CSPG5: variants seen among roughly 807,000 people sequenced by gnomAD.
CSPG5 encodes the protein chondroitin sulfate proteoglycan 5, also known as acidic leucine-rich EGF-like domain-containing brain protein.
In CSPG5, 25 loss-of-function variants were observed where a neutral mutation model predicts 39.8. That is an observed-to-expected ratio of 0.63 (90% CI 0.46 to 0.88). The LOEUF (loss-of-function observed/expected upper bound fraction) is 0.88. CSPG5 is among the 40% of genes least tolerant of loss of function. CSPG5 has a pLI of 0.00. For missense variants in CSPG5, 627 were observed against 702.2 expected, an observed-to-expected ratio of 0.89 and a Z score of 1.21; for synonymous variants, 295 against 303.9, an observed-to-expected ratio of 0.97 and a Z score of 0.31.
chr3:47,576,793 C>T (rs917208576), intron 2 of CSPG5, 40 bp downstream of exon 2: 4 of 1,522,032 alleles, frequency 2.6e-6, no homozygotes, highest in Non-Finnish European at 3.5e-6. Flanking sequence ...CTCACATACA[C>T]TCTTCAGTGT....
In CSPG5 at chr3:47,569,151, C is replaced by A. The variant is rs190137660; in HGVS notation, c.1458+1G>T. 2.4e-5 allele frequency: 38 copies of A among 1,609,650 alleles called. No individual in the cohort carries two copies. In the East Asian group the frequency reaches 6.5e-4, roughly 28 times the overall value. ...CGGGGAGTGTTGCAAAGTTTCCTTA[C>A]ATTTGGGTGAGAGCCCTCGGCAATG... On this transcript the variant is annotated splice_donor_variant, in intron 4 of 4. Coordinates refer to ENST00000264723, the MANE Select transcript of CSPG5 (RefSeq NM_006574.4). LOFTEE classifies it high-confidence loss of function.
rs1490094853 is a variant in CSPG5, at chr3:47,577,447, G to A, written c.579C>T (p.Tyr193=). The A allele has an allele frequency of 6.2e-7, 1 of 1,614,078 alleles. No individual in the cohort carries two copies. The highest frequency in any genetic ancestry group is 8.5e-7 in the Non-Finnish European group (1 of 1,180,006). The change falls in exon 2 of 5, where the codon TAC becomes TAT. Residue 193 remains tyrosine, a synonymous_variant. Coordinates refer to ENST00000264723, the MANE Select transcript of CSPG5 (RefSeq NM_006574.4). This position sits in a 1 kb window ranked among gnomAD's most constrained non-coding sequence, Gnocchi z 4.7. ...GGGGCTCCAGGGTGCCCTGAAATGG[G>A]TAAGTCAGCTCTGGCCCTTGAGGGT... The part of the protein sequence containing the change: ...TPDPQGPELT[Y]PFQGTLEPQP...
chr3:47,567,681 T>C (rs555690993), intron 4 of CSPG5, among the ~76,000 whole-genome samples: 4 of 152,282 alleles, frequency 2.6e-5, no homozygotes, highest in African/African-American at 9.6e-5. Context: ...ACTCTTATTC[T>C]CTCTTCCCCC....
Position 47,578,737 on chromosome 3 carries a change from G to T in CSPG5, c.-44C>A. ...CTGTCCGCGGTCCGCCCGGCTGGCT[G>T]CGCCCTCGGCTCGCCCGGCCGCCGC... is the stretch of plus-strand genomic sequence containing the variant. On this transcript the variant is annotated 5_prime_UTR_variant, in exon 1 of 5. Coordinates refer to ENST00000264723, the MANE Select transcript of CSPG5 (RefSeq NM_006574.4). This position sits in a 1 kb window ranked among gnomAD's most constrained non-coding sequence, Gnocchi z 6.0. The T allele has an allele frequency of 2.1e-6, 1 of 473,420 alleles. No individual in the cohort carries two copies. Among genetic ancestry groups the T allele is most frequent in the Non-Finnish European group, 2.8e-6 (1 of 363,488 alleles). 29.3% of individuals were successfully genotyped at this position (473,420 alleles called of 1,614,324 possible).
chr3:47,577,709 G>A lies in CSPG5; in HGVS notation c.317C>T (p.Pro106Leu), dbSNP rs1177688531. 6.3e-7 allele frequency: 1 copy of A among 1,582,332 alleles called. No individual in the cohort carries two copies. Among genetic ancestry groups the A allele is most frequent in the Non-Finnish European group, 8.6e-7 (1 of 1,168,364 alleles). The change falls in exon 2 of 5, where the codon CCA becomes CTA. Residue 106 changes from proline (P) to leucine (L), a missense_variant. Physicochemically the swap from Pro to Leu is moderately conservative, Grantham distance 98. Coordinates refer to ENST00000264723, the MANE Select transcript of CSPG5 (RefSeq NM_006574.4). The surrounding 1 kb of genome is among the most constrained non-coding windows in gnomAD (Gnocchi z 4.7). ...TGTAWLEADS[P>L]GLGGVTAEAG... ...CTCTGCGGTCACTCCTCCCAGGCCTGGGCTGTCAGCTTCCAGCCAGGCGGT... is the reference window on the plus strand; with the variant it reads ...CTCTGCGGTCACTCCTCCCAGGCCTAGGCTGTCAGCTTCCAGCCAGGCGGT...
chr3:47,564,785 GTA>G (rs374815403), intron 4 of CSPG5, among the ~76,000 whole-genome samples: 5 of 151,820 alleles, frequency 3.3e-5, no homozygotes, highest in African/African-American at 9.7e-5. Context: ...GTTTGTGTGT[GTA>G]TATATATATA....
At position 47,572,870 on chromosome 3, in the gene CSPG5, T is replaced by C; in HGVS notation, c.1198A>G (p.Asn400Asp). Residue 400 changes from asparagine (N) to aspartate (D), a missense_variant, in exon 3 of 5, where the codon AAC becomes GAC. Coordinates refer to ENST00000264723, the MANE Select transcript of CSPG5 (RefSeq NM_006574.4). The surrounding 1 kb of genome is among the most constrained non-coding windows in gnomAD (Gnocchi z 4.5). ...TTGTGCCAGATGTAGTCCTGCGTGT[T>C]GCACCTGCAGCAGCGACATTGAGAA... ...VENIGAFCRCNTQDYIWHKGM... is the reference protein window; with the variant it reads ...VENIGAFCRCDTQDYIWHKGM... 1 of 1,604,420 alleles carries C rather than the reference T, an allele frequency of 6.2e-7. No individual in the cohort carries two copies. The highest frequency in any genetic ancestry group is 8.5e-7 in the Non-Finnish European group (1 of 1,173,060).
chr3:47,562,785 G>GT (rs1553665414), intron 4 of CSPG5, 24 bp from the exon 5 acceptor site: 2 of 1,581,098 alleles, frequency 1.3e-6, no homozygotes, highest in Non-Finnish European at 1.7e-6. Context: ...AAAGTTGGGG[G>GT]GGGGGAGACA....
chr3:47,562,658 C>T lies in CSPG5; in HGVS notation c.1562G>A (p.Gly521Asp), dbSNP rs564870179. 2 of 1,614,028 alleles carry T rather than the reference C, an allele frequency of 1.2e-6. No homozygotes were observed. Among genetic ancestry groups the T allele is most frequent in the South Asian group, 2.2e-5 (2 of 91,058 alleles). ...IQNSMSPKLEGGKGDQADLDV... is the reference protein window; with the variant it reads ...IQNSMSPKLEDGKGDQADLDV... ...CAAGTCAGCCTGGTCACCTTTGCCA[C>T]CCTCAAGTTTGGGCGACATGGAGTT... Residue 521 changes from glycine (G) to aspartate (D), a missense_variant, in exon 5 of 5, where the codon GGT (glycine) becomes GAT (aspartate). Transcript: ENST00000264723.
Position 47,577,765 on chromosome 3 carries a change from C to T in CSPG5, c.261G>A (p.Glu87=), listed in dbSNP as rs2031823149. 6.3e-7 allele frequency: 1 copy of T among 1,588,554 alleles called. No individual in the cohort carries two copies. The highest frequency in any genetic ancestry group is 1.3e-5 in the African/African-American group (1 of 74,522). ...TCACCGCAGCCGACTCCTGCAGCAC[C>T]TCTTCTGGCCCGGCCAGCTCGCCAC... ...APGGELAGPE[E]VLQESAAVTG... Residue 87 remains glutamate (E), a synonymous_variant, in exon 2 of 5, where the codon GAG becomes GAA. Coordinates refer to ENST00000264723, the MANE Select transcript of CSPG5 (RefSeq NM_006574.4). This position sits in a 1 kb window ranked among gnomAD's most constrained non-coding sequence, Gnocchi z 4.7.
Position 47,577,092 on chromosome 3 carries a change from C to T in CSPG5, c.934G>A (p.Gly312Arg), listed in dbSNP as rs763165512. Residue 312 changes from glycine (G) to arginine (R), a missense_variant, in exon 2 of 5, where the codon GGG becomes AGG. Coordinates refer to ENST00000264723, the MANE Select transcript of CSPG5 (RefSeq NM_006574.4). The surrounding 1 kb of genome is among the most constrained non-coding windows in gnomAD (Gnocchi z 4.7). ...VPTGKPGLGP[G>R]TGQPTSRWHA... ...CACCGACTGGTGGGCTGGCCTGTCC[C>T]GGGCCCCAGACCAGGCTTCCCAGTG... The T allele has an allele frequency of 2.7e-5, 44 of 1,613,620 alleles. No individual in the cohort carries two copies. Among genetic ancestry groups the T allele is most frequent in the Non-Finnish European group, 3.4e-5 (40 of 1,180,016 alleles).
chr3:47,566,579 C>T (rs919895284), intron 4 of CSPG5, among the ~76,000 whole-genome samples: 8 of 152,216 alleles, frequency 5.3e-5, no homozygotes, highest in African/African-American at 1.9e-4. Flanking sequence ...AGTCACCCCT[C>T]ACATCCACAG....
chr3:47,577,290 G>A lies in CSPG5; in HGVS notation c.736C>T (p.Pro246Ser), dbSNP rs1202824683. ...ENHPDTEGET[P>S]SWSLLDLYDD... ...TATAAGTCAAGCAGGCTCCAGGAAGGGGTCTCTCCCTCAGTATCAGGGTGG... is the reference window on the plus strand; with the variant it reads ...TATAAGTCAAGCAGGCTCCAGGAAGAGGTCTCTCCCTCAGTATCAGGGTGG... The change falls in exon 2 of 5, where the codon CCT (proline) becomes TCT (serine). Residue 246 changes from proline to serine, a missense_variant. By Grantham distance (74) the Pro-to-Ser change is moderately conservative. Coordinates refer to ENST00000264723, the MANE Select transcript of CSPG5 (RefSeq NM_006574.4). The surrounding 1 kb of genome is among the most constrained non-coding windows in gnomAD (Gnocchi z 4.7). 1.2e-6 allele frequency: 2 copies of A among 1,613,756 alleles called. No homozygotes were observed. The highest frequency in any genetic ancestry group is 2.2e-5 in the South Asian group (2 of 90,980).
Position 47,577,451 on chromosome 3 carries a change from G to T in CSPG5, c.575C>A (p.Thr192Asn). ...CTCCAGGGTGCCCTGAAATGGGTAA[G>T]TCAGCTCTGGCCCTTGAGGGTCGGG... is the stretch of plus-strand genomic sequence containing the variant. Reference protein sequence around the residue: ...STPDPQGPELTYPFQGTLEPQ... With the variant: ...STPDPQGPELNYPFQGTLEPQ... The change falls in exon 2 of 5, where the codon ACT becomes AAT. Residue 192 changes from threonine (T) to asparagine (N), a missense_variant. Transcript: ENST00000264723. This position sits in a 1 kb window ranked among gnomAD's most constrained non-coding sequence, Gnocchi z 4.7. The T allele has an allele frequency of 1.2e-6, 2 of 1,614,078 alleles. No homozygotes were observed. The highest frequency in any genetic ancestry group is 1.7e-6 in the Non-Finnish European group (2 of 1,180,014).
chr3:47,576,779 C>T (rs1450059767), intron 2 of CSPG5, 54 bp downstream of exon 2: 3 of 1,508,330 alleles, frequency 2.0e-6, no homozygotes, highest in Middle Eastern at 1.8e-4. Context: ...TCTGTTGAGT[C>T]GGCCTCACAT....
At position 47,562,777 on chromosome 3, in the gene CSPG5, A is replaced by G. The variant is rs994451752; in HGVS notation, c.1459-16T>C. On this transcript the variant is annotated splice_polypyrimidine_tract_variant and intron_variant, in intron 4 of 4. Coordinates refer to ENST00000264723, the MANE Select transcript of CSPG5 (RefSeq NM_006574.4). ...TAGGATCATCCTGGAAGAGGGAAAA[A>G]GTTGGGGGGGGGGAGACAATGCATA... The G allele has an allele frequency of 6.6e-7, 1 of 1,509,998 alleles. No homozygotes were observed. Among genetic ancestry groups the G allele is most frequent in the Non-Finnish European group, 9.1e-7 (1 of 1,099,128 alleles). The allele number at this position is 1,509,998 out of a possible 1,614,324, so 93.5% of individuals were successfully genotyped here. A position where few individuals can be genotyped will look rare whatever the true frequency, so the allele number is the denominator to read the frequency against.
upstream of CSPG5, chr3:47,579,617 C>T (rs559282837): frequency 5.4e-4 from 83 of 152,398 alleles, no homozygotes; most frequent in African/African-American, 2.0e-3. This position sits in a 1 kb window ranked among gnomAD's most constrained non-coding sequence, Gnocchi z 4.2. Context: ...GCCTTTAATC[C>T]TGGTCCCTTC....
Position 47,577,845 on chromosome 3 carries a change from C to A in CSPG5, c.181G>T (p.Glu61Ter). ...CCAGCCGCTGGTGGGCCGGCTTCTT[C>A]CCGCGTGTCGTTGGCAGGCGGCTCC... ...AWEPPANDTR[E>*]EAGPPAAGED... is the part of the protein sequence containing the mutation. The change falls in exon 2 of 5, where the codon GAA becomes TAA. Residue 61 changes from glutamate to a stop codon, truncating the protein, a stop_gained. Coordinates refer to ENST00000264723, the MANE Select transcript of CSPG5 (RefSeq NM_006574.4). LOFTEE classifies it high-confidence loss of function. The surrounding 1 kb of genome is among the most constrained non-coding windows in gnomAD (Gnocchi z 4.7). 1 of 1,553,186 alleles carries A rather than the reference C, an allele frequency of 6.4e-7. No individual in the cohort carries two copies. The highest frequency in any genetic ancestry group is 1.9e-5 in the Admixed American group (1 of 51,840).
chr3:47,568,336 T>G (rs898709627), intron 4 of CSPG5, among the ~76,000 whole-genome samples: 49 of 152,380 alleles, frequency 3.2e-4, no homozygotes, highest in Admixed American at 6.5e-5. Context: ...AGTATTTGAC[T>G]GGTCAGTCTA....
Sources: allele counts gnomAD v4.1 joint callset (sites outside exome capture counted in the v4.1 genomes callset), GRCh38; gene constraint gnomAD v4.1.1; non-coding constraint Gnocchi (gnomAD v3.1); transcripts MANE v1.5; gene names NCBI Gene and HGNC (gene_info 2026-07-23, HGNC 2026-07-21).